The following ARID2 variants were observed in gnomAD, a reference collection of about 807,000 sequenced individuals.
The protein encoded by ARID2 is AT-rich interaction domain 2.
ARID2 carries 32 observed loss-of-function variants against 184.6 expected under a neutral mutation model. The ratio of observed to expected loss-of-function variants is 0.17; its 90% CI spans 0.13 to 0.23. The LOEUF is 0.23. ARID2 is among the 10% of genes least tolerant of loss of function. ARID2 has a pLI of 1.00. For synonymous variants in ARID2, 836 were observed against 772.6 expected, an observed-to-expected ratio of 1.08 and a Z score of -1.36; for missense variants, 1,696 against 2,197.6, an observed-to-expected ratio of 0.77 and a Z score of 4.56.
chr12:45,896,695 G>A lies in ARID2; in HGVS notation c.5363+2974G>A, dbSNP rs369249920. Among the ~76,000 whole-genome samples, 5 of 152,100 alleles carry A rather than the reference G, an allele frequency of 3.3e-5. No homozygotes were observed. In the South Asian group the frequency reaches 6.2e-4, roughly 19 times the overall value. On this transcript the variant is annotated intron_variant, in intron 20 of 20. Transcript: ENST00000334344. ...CAGCGTGAAAACGGACTAATACAAA[G>A]GCTAAAACCACGATTATGCTAAGGG...
intron 3 of ARID2, among the ~76,000 whole-genome samples, chr12:45,779,593 C>G (rs1215740537): frequency 6.6e-6 from 1 of 152,054 alleles, no homozygotes; most frequent in African/African-American, 2.4e-5. Context: ...GTAAGAGGAT[C>G]CATTGGGAAT....
chr12:45,888,694 C>T (rs1944239469), intron 16 of ARID2, among the ~76,000 whole-genome samples: 1 of 152,124 alleles, frequency 6.6e-6, no homozygotes, highest in Non-Finnish European at 1.5e-5. Flanking sequence ...CAAATTTAAG[C>T]CTCACACCCA....
chr12:45,813,367 A>G (rs554907500), intron 4 of ARID2, among the ~76,000 whole-genome samples: 1 of 152,092 alleles, frequency 6.6e-6, no homozygotes, highest in African/African-American at 2.4e-5. Flanking sequence ...ATGATTATCA[A>G]TATATAAAGC....
intron 4 of ARID2, among the ~76,000 whole-genome samples, chr12:45,815,428 C>T (rs1221732399): frequency 6.6e-6 from 1 of 152,086 alleles, no homozygotes; most frequent in Admixed American, 6.5e-5. Flanking sequence ...CCATTAAAAA[C>T]TGTGTTGTGG....
At chr12:45,788,946 T>C (rs1349472941) in intron 3 of ARID2, among the ~76,000 whole-genome samples, 5 of 152,214 alleles carry the variant, frequency 3.3e-5, no homozygotes, top group Admixed American at 3.3e-4. Flanking sequence ...ATCAGAGTAA[T>C]GCACGTCAAA....
intron 3 of ARID2, among the ~76,000 whole-genome samples, chr12:45,733,381 A>C (rs185213453): frequency 6.6e-6 from 1 of 152,224 alleles, no homozygotes; most frequent in Non-Finnish European, 1.5e-5. Flanking sequence ...AAGTAACAGC[A>C]ATTCTATTAC....
intron 3 of ARID2, among the ~76,000 whole-genome samples, chr12:45,756,848 G>A (rs570966127): frequency 3.4e-4 from 52 of 152,274 alleles, no homozygotes; most frequent in Non-Finnish European, 6.2e-4. Flanking sequence ...GCAGTAAGCT[G>A]GCATAGTGCC....
chr12:45,783,419 A>G (rs1792583322), intron 3 of ARID2, among the ~76,000 whole-genome samples: 3 of 152,348 alleles, frequency 2.0e-5, no homozygotes, highest in Middle Eastern at 3.4e-3. Context: ...AGGAAAATAA[A>G]TTGATAGAGT....
intron 20 of ARID2, among the ~76,000 whole-genome samples, chr12:45,903,149 A>G (rs1944479795): frequency 6.6e-6 from 1 of 152,176 alleles, no homozygotes; most frequent in Non-Finnish European, 1.5e-5. Flanking sequence ...AAATCATACA[A>G]TATTATTTTC....
Position 45,837,541 on chromosome 12 carries a change from T to C in ARID2, c.1164T>C (p.Gly388=). 6.2e-7 allele frequency: 1 copy of C among 1,614,060 alleles called. No individual in the cohort carries two copies. Among genetic ancestry groups the C allele is most frequent in the Non-Finnish European group, 8.5e-7 (1 of 1,179,974 alleles). The part of the protein sequence containing the change: ...LGNLCKAEDN[G]VLICEYVDQD... ...ATCTTTGCAAAGCAGAAGATAATGG[T>C]GTTTTAATTTGTGAATATGTGGATC... Residue 388 remains glycine, a synonymous_variant, in exon 10 of 21, where the codon GGT becomes GGC. Transcript: ENST00000334344.
chr12:45,767,940 C>T (rs920790168), intron 3 of ARID2, among the ~76,000 whole-genome samples: 1 of 152,100 alleles, frequency 6.6e-6, no homozygotes. Flanking sequence ...ACCCACTTTC[C>T]GGTGAAACTG....
chr12:45,846,318 G>A (rs1429619280), intron 11 of ARID2, among the ~76,000 whole-genome samples: 1 of 151,956 alleles, frequency 6.6e-6, no homozygotes, highest in African/African-American at 2.4e-5. Flanking sequence ...TTTGTTCACT[G>A]TATTCCAAAA....
chr12:45,808,719 A>G (rs1942644873), intron 3 of ARID2, among the ~76,000 whole-genome samples: 1 of 151,424 alleles, frequency 6.6e-6, no homozygotes, highest in South Asian at 2.1e-4. Context: ...CCGTTATTAA[A>G]AATGTGTGTT....
chr12:45,874,760 T>C (rs1943983678), intron 16 of ARID2, among the ~76,000 whole-genome samples: 1 of 152,208 alleles, frequency 6.6e-6, no homozygotes, highest in Non-Finnish European at 1.5e-5. Context: ...TGCAGAAGAT[T>C]TTCAATTTAC....
At chr12:45,865,839 A>G (rs926679493) in intron 16 of ARID2, among the ~76,000 whole-genome samples, 2 of 152,176 alleles carry the variant, frequency 1.3e-5, no homozygotes, top group Admixed American at 1.3e-4. Flanking sequence ...AGCACTGTCC[A>G]GTGGGACAAT....
chr12:45,741,165 T>TTG (rs1452550833), intron 3 of ARID2, among the ~76,000 whole-genome samples: 1 of 152,182 alleles, frequency 6.6e-6, no homozygotes, highest in Non-Finnish European at 1.5e-5. Context: ...TTTATGATGC[T>TTG]TGTTTTCTAA....
intron 20 of ARID2, among the ~76,000 whole-genome samples, chr12:45,895,246 AT>A (rs1055292906): frequency 2.6e-4 from 40 of 152,200 alleles, no homozygotes; most frequent in Non-Finnish European, 7.3e-5. Flanking sequence ...TGCCCAACAC[AT>A]TATAACCTCT....
intron 16 of ARID2, chr12:45,881,983 C>T: frequency 1.0e-5 from 2 of 198,500 alleles, no homozygotes; most frequent in South Asian, 1.9e-4. Context: ...GCGCCTGCTT[C>T]CTGGGGCTGG....
intron 3 of ARID2, among the ~76,000 whole-genome samples, chr12:45,767,506 T>C (rs1941795090): frequency 6.6e-6 from 1 of 152,162 alleles, no homozygotes; most frequent in African/African-American, 2.4e-5. Context: ...CTCTGAAGAC[T>C]GGGCAGGAAT....
Sources: allele counts gnomAD v4.1 joint callset (sites outside exome capture counted in the v4.1 genomes callset), GRCh38; gene constraint gnomAD v4.1.1; transcripts MANE v1.5; gene names NCBI Gene and HGNC (gene_info 2026-07-23, HGNC 2026-07-21).